POLQ: variants seen among roughly 807,000 people sequenced by gnomAD.
The protein encoded by POLQ is DNA polymerase theta, also known as epididymis secretory sperm binding protein.
A neutral mutation model predicts 259.2 loss-of-function variants in POLQ; 233 were observed. The ratio of observed to expected loss-of-function variants is 0.90; its 90% confidence interval spans 0.81 to 1.00. The LOEUF is 1.00. POLQ is among the 50% of genes least tolerant of loss of function. POLQ has a pLI of 0.00. For synonymous variants in POLQ, 1,025 were observed against 1,048.8 expected (o/e 0.98, Z 0.44); for missense variants, 2,871 against 3,051.6 (o/e 0.94, Z 1.39).
chr3:121,538,436 C>T (rs2048465828), intron 4 of POLQ, among the ~76,000 whole-genome samples: 1 of 151,938 alleles, frequency 6.6e-6, no homozygotes, highest in African/African-American at 2.4e-5. Flanking sequence ...CAAATTCTCC[C>T]CACCAAAAGA....
At chr3:121,477,022 C>T (rs1468914227) in intron 19 of POLQ, among the ~76,000 whole-genome samples, 1 of 152,180 alleles carries the variant, frequency 6.6e-6, no homozygotes, top group African/African-American at 2.4e-5. Flanking sequence ...GATGTTTCTG[C>T]TTCTACTCTT....
chr3:121,526,022 A>G (rs1375823506), intron 7 of POLQ, among the ~76,000 whole-genome samples: 1 of 151,950 alleles, frequency 6.6e-6, no homozygotes, highest in Non-Finnish European at 1.5e-5. Flanking sequence ...GTTCTCTTCC[A>G]TAATGTTGAC....
At chr3:121,442,753 G>A (rs886460460) in intron 26 of POLQ, among the ~76,000 whole-genome samples, 3 of 152,168 alleles carry the variant, frequency 2.0e-5, no homozygotes, top group African/African-American at 7.2e-5. Flanking sequence ...ATAAACATGG[G>A]AGTGCATGCA....
chr3:121,494,607 C>G (rs1159856723), intron 14 of POLQ: 3 of 1,529,936 alleles, frequency 2.0e-6, no homozygotes, highest in Non-Finnish European at 2.7e-6. Flanking sequence ...ATCAAGCTGG[C>G]TGTCTTCTTG....
intron 20 of POLQ, among the ~76,000 whole-genome samples, chr3:121,475,087 T>G (rs2047915441): frequency 1.3e-5 from 2 of 152,224 alleles, no homozygotes; most frequent in Admixed American, 6.5e-5. Flanking sequence ...GTCACCCTTG[T>G]GTACAATAAA....
chr3:121,542,332 G>C (rs2048496347), intron 2 of POLQ, among the ~76,000 whole-genome samples: 1 of 152,118 alleles, frequency 6.6e-6, no homozygotes, highest in Non-Finnish European at 1.5e-5. Flanking sequence ...GGAGGCTGCA[G>C]TGAGTTGCAG....
intron 7 of POLQ, among the ~76,000 whole-genome samples, chr3:121,527,210 C>A (rs1388724583): frequency 6.6e-6 from 1 of 152,026 alleles, no homozygotes; most frequent in Non-Finnish European, 1.5e-5. Context: ...ACAGGTATGC[C>A]CCACCACGCC....
intron 7 of POLQ, among the ~76,000 whole-genome samples, chr3:121,526,119 T>C (rs1442797293): frequency 6.6e-6 from 1 of 152,144 alleles, no homozygotes; most frequent in Non-Finnish European, 1.5e-5. Context: ...GATGCTGTGT[T>C]TGGGGGTAAG....
chr3:121,484,156 C>T (rs2047992206), intron 17 of POLQ, among the ~76,000 whole-genome samples: 1 of 152,070 alleles, frequency 6.6e-6, no homozygotes, highest in African/African-American at 2.4e-5. Context: ...ATATTTCATG[C>T]TTACTAAGGA....
chr3:121,506,269 AAAAAC>A (rs1284643533), intron 12 of POLQ, among the ~76,000 whole-genome samples: 1 of 105,900 alleles, frequency 9.4e-6, no homozygotes, highest in South Asian at 3.9e-4. Context: ...CTTTAAAACT[AAAAAC>A]AAAACAAAAC....
intron 13 of POLQ, among the ~76,000 whole-genome samples, chr3:121,497,444 TC>T (rs1179686750): frequency 1.3e-5 from 2 of 152,198 alleles, no homozygotes; most frequent in African/African-American, 4.8e-5. Context: ...CATTATTATT[TC>T]TTTTTTTTTG....
Position 121,487,715 on chromosome 3 carries a change from G to C in POLQ, c.5216C>G (p.Pro1739Arg). 2 of 1,613,798 alleles carry C rather than the reference G, an allele frequency of 1.2e-6. No homozygotes were observed. The highest frequency in any genetic ancestry group is 1.7e-6 in the Non-Finnish European group (2 of 1,179,772). Residue 1739 changes from proline to arginine, a missense_variant, in exon 16 of 30, where the codon CCC becomes CGC. By Grantham distance (103) the Pro-to-Arg change is moderately radical. Around this residue, in one of 3 missense-constraint regions of POLQ, gnomAD observed 2,080 missense variants for 2,126.0 expected, o/e 0.98. Coordinates refer to ENST00000264233, the MANE Select transcript of POLQ (RefSeq NM_199420.4). ...VDDNGLIPPT[P>R]IPTSASKLTF... is the part of the protein sequence containing the mutation. ...CAGCTTAGAAGCAGATGTTGGAATGGGTGTAGGAGGAATGAGACCATTATC... is the reference window on the plus strand; with the variant it reads ...CAGCTTAGAAGCAGATGTTGGAATGCGTGTAGGAGGAATGAGACCATTATC...
chr3:121,470,464 A>G (rs2047874715), intron 22 of POLQ, among the ~76,000 whole-genome samples: 1 of 152,166 alleles, frequency 6.6e-6, no homozygotes, highest in African/African-American at 2.4e-5. Context: ...GCAGCACCTC[A>G]TGGAGCCTCC....
chr3:121,525,970 T>A (rs1298413035), intron 7 of POLQ, among the ~76,000 whole-genome samples: 1 of 152,186 alleles, frequency 6.6e-6, no homozygotes, highest in Non-Finnish European at 1.5e-5. Flanking sequence ...TCACAATCTT[T>A]TTCATGATTT....
chr3:121,444,301 A>G (rs1423882162), intron 26 of POLQ, among the ~76,000 whole-genome samples: 9 of 150,248 alleles, frequency 6.0e-5, no homozygotes, highest in Non-Finnish European at 1.2e-4. Flanking sequence ...TTCCTTATAT[A>G]GATCTTTCAC....
intron 29 of POLQ, 80 bp from the exon 30 acceptor site, chr3:121,432,497 C>T: frequency 6.8e-7 from 1 of 1,470,394 alleles, no homozygotes; most frequent in Non-Finnish European, 9.1e-7. Flanking sequence ...AAGTTATAAA[C>T]CAGACTGGAG....
intron 12 of POLQ, among the ~76,000 whole-genome samples, chr3:121,504,475 T>G (rs2048194687): frequency 6.6e-6 from 1 of 152,078 alleles, no homozygotes; most frequent in African/African-American, 2.4e-5. Context: ...AAATAACAAT[T>G]AATAGCAATC....
intron 12 of POLQ, among the ~76,000 whole-genome samples, chr3:121,499,267 CTTTTT>C (rs34141063): frequency 2.9e-5 from 4 of 135,628 alleles, no homozygotes; most frequent in East Asian, 2.2e-4. Flanking sequence ...GAACCCAAGT[CTTTTT>C]TTTTTTTTTT....
intron 5 of POLQ, among the ~76,000 whole-genome samples, chr3:121,535,660 G>C (rs1373267917): frequency 6.9e-6 from 1 of 144,466 alleles, no homozygotes; most frequent in Non-Finnish European, 1.5e-5. Flanking sequence ...AGGTTGCAGT[G>C]AGCCGAGATC....
Sources: allele counts gnomAD v4.1 joint callset (sites outside exome capture counted in the v4.1 genomes callset), GRCh38; gene constraint gnomAD v4.1.1; regional missense constraint gnomAD v4.1.1; transcripts MANE v1.5; gene names NCBI Gene and HGNC (gene_info 2026-07-23, HGNC 2026-07-21).